Variants in NAV3 observed in about 807,000 individuals in gnomAD.
The protein encoded by NAV3 is pore membrane and/or filament interacting like protein 1.
In NAV3, 87 loss-of-function variants were observed where a neutral mutation model predicts 244.7. The observed-to-expected ratio is 0.36, with a 90% CI of 0.30 to 0.42. The LOEUF is 0.42. Ranked by LOEUF, NAV3 falls within the 20% of genes least tolerant of loss-of-function variation. The pLI is 1.00. For missense variants in NAV3, 2,663 were observed against 2,893.3 expected, an observed-to-expected ratio of 0.92 and a Z score of 1.83; for synonymous variants, 1,126 against 1,042.2, an observed-to-expected ratio of 1.08 and a Z score of -1.55.
chr12:78,156,945 T>C (rs1482590150), intron 22 of NAV3, among the ~76,000 whole-genome samples: 1 of 152,130 alleles, frequency 6.6e-6, no homozygotes, highest in Non-Finnish European at 1.5e-5. Context: ...AAAAGAATCA[T>C]GCCATTTGAT....
intron 1 of NAV3, among the ~76,000 whole-genome samples, chr12:77,930,468 T>C (rs1253121340): frequency 2.6e-5 from 4 of 152,022 alleles, no homozygotes; most frequent in Non-Finnish European, 5.9e-5. Flanking sequence ...CCAACAGATC[T>C]GTAAAATCCA....
In NAV3 at chr12:77,682,124, C is replaced by T. The variant is rs571045557; in HGVS notation, c.72+109858C>T. Among the ~76,000 whole-genome samples, 31 of 152,222 alleles carry T rather than the reference C, an allele frequency of 2.0e-4. No homozygotes were observed. The South Asian group carries it at 5.0e-3, about 24-fold the overall frequency. On this transcript the variant is annotated intron_variant, in intron 2 of 8. Coordinates refer to the NAV3 transcript ENST00000550042. ...TTGTGTTCTTTGACCAACCCACACCCTGGTCCCCTGCCACCCCCCACCTCG... is the reference window on the plus strand; with the variant it reads ...TTGTGTTCTTTGACCAACCCACACCTTGGTCCCCTGCCACCCCCCACCTCG...
intron 2 of NAV3, among the ~76,000 whole-genome samples, chr12:77,746,055 C>A (rs1382255960): frequency 1.3e-5 from 2 of 149,016 alleles, no homozygotes; most frequent in Non-Finnish European, 3.0e-5. Context: ...TAACCTGATG[C>A]ACAGTCAGCA....
intron 2 of NAV3, among the ~76,000 whole-genome samples, chr12:77,800,736 G>A (rs1871660894): frequency 6.6e-6 from 1 of 152,050 alleles, no homozygotes; most frequent in Non-Finnish European, 1.5e-5. Context: ...TGATTTAGTA[G>A]GGGGATTATT....
intron 1 of NAV3, among the ~76,000 whole-genome samples, chr12:77,930,485 T>C (rs947060589): frequency 6.6e-6 from 1 of 152,058 alleles, no homozygotes; most frequent in African/African-American, 2.4e-5. Flanking sequence ...TCCATCCGTA[T>C]ACAATTTTCC....
At chr12:77,823,777 T>C (rs1164909946) in intron 2 of NAV3, among the ~76,000 whole-genome samples, 5 of 151,942 alleles carry the variant, frequency 3.3e-5, no homozygotes, top group Admixed American at 3.3e-4. Context: ...GGGAAAAAAA[T>C]CCATTAATGG....
At chr12:77,799,313 G>A (rs1017286838) in intron 2 of NAV3, among the ~76,000 whole-genome samples, 8 of 152,204 alleles carry the variant, frequency 5.3e-5, no homozygotes, top group East Asian at 1.9e-4. Context: ...AGCCTCCCTC[G>A]CTTTAGTGAA....
intron 2 of NAV3, among the ~76,000 whole-genome samples, chr12:77,597,117 A>C (rs151329550): frequency 1.5e-3 from 222 of 152,244 alleles, no homozygotes; most frequent in African/African-American, 5.1e-3. Context: ...GCTGGGTTTT[A>C]GGTATATAGT....
At chr12:77,709,519 G>A (rs918179873) in intron 2 of NAV3, among the ~76,000 whole-genome samples, 2 of 152,058 alleles carry the variant, frequency 1.3e-5, no homozygotes, top group African/African-American at 4.8e-5. Context: ...AAACTATTAT[G>A]GGTGCCATGA....
chr12:78,110,688 TA>T (rs375109091), intron 12 of NAV3, among the ~76,000 whole-genome samples: 110,920 of 151,488 alleles, frequency 0.73, 40,854 homozygotes, highest in Non-Finnish European at 0.77. Flanking sequence ...TATATATATA[TA>T]TATAGTGTGT....
intron 3 of NAV3, among the ~76,000 whole-genome samples, chr12:77,960,965 T>TA (rs1284713345): frequency 1.4e-5 from 2 of 146,718 alleles, no homozygotes; most frequent in East Asian, 2.1e-4. Flanking sequence ...ATGCATGTAA[T>TA]ATATGTATAT....
At chr12:77,815,920 G>A (rs1311849320) in intron 2 of NAV3, among the ~76,000 whole-genome samples, 2 of 152,122 alleles carry the variant, frequency 1.3e-5, no homozygotes, top group African/African-American at 2.4e-5. Context: ...AACCTCATAT[G>A]AGTATGCACC....
intron 2 of NAV3, among the ~76,000 whole-genome samples, chr12:77,732,798 G>T (rs1041986174): frequency 2.0e-5 from 3 of 152,084 alleles, no homozygotes; most frequent in African/African-American, 7.2e-5. Flanking sequence ...TATATCTGCA[G>T]TAACTACACT....
intron 2 of NAV3, among the ~76,000 whole-genome samples, chr12:77,704,160 C>T (rs1875686973): frequency 6.6e-6 from 1 of 152,124 alleles, no homozygotes; most frequent in Admixed American, 6.5e-5. Flanking sequence ...CTTTTGTTTA[C>T]TGCCATTTCT....
intron 38 of NAV3, among the ~76,000 whole-genome samples, chr12:78,202,079 A>G (rs1959768168): frequency 6.6e-6 from 1 of 151,958 alleles, no homozygotes; most frequent in African/African-American, 2.4e-5. Flanking sequence ...TTTTAAAGGT[A>G]TGAGCCAATC....
intron 19 of NAV3, among the ~76,000 whole-genome samples, chr12:78,138,837 T>G (rs938437331): frequency 6.6e-6 from 1 of 152,156 alleles, no homozygotes; most frequent in African/African-American, 2.4e-5. Flanking sequence ...AGATGGCTTT[T>G]TTGTGCTCAC....
At chr12:77,892,369 G>T (rs1280636597) in intron 1 of NAV3, among the ~76,000 whole-genome samples, 1 of 151,306 alleles carries the variant, frequency 6.6e-6, no homozygotes, top group Non-Finnish European at 1.5e-5. Flanking sequence ...ATCACCAAGG[G>T]TTTCCTCAAA....
intron 3 of NAV3, among the ~76,000 whole-genome samples, chr12:77,960,637 A>T (rs181009487): frequency 1.4e-3 from 210 of 148,108 alleles, no homozygotes; most frequent in African/African-American, 4.9e-3. Context: ...ATACTTTAAC[A>T]ATGTTTATAC....
intron 2 of NAV3, among the ~76,000 whole-genome samples, chr12:77,659,198 G>A (rs370281413): frequency 0.024 from 3,656 of 150,810 alleles, 94 homozygotes; most frequent in Middle Eastern, 0.037. Context: ...GAAAATTTTC[G>A]CAACCTACTC....
Sources: gnomAD v4.1 joint callset for allele counts (sites outside exome capture counted in the v4.1 genomes callset) on GRCh38, gnomAD v4.1.1 for gene constraint, MANE v1.5 for transcripts, NCBI Gene and HGNC (gene_info 2026-07-23, HGNC 2026-07-21) for gene names.